ERG: variants seen among roughly 807,000 people sequenced by gnomAD.
ERG encodes the protein ETS transcription factor ERG, also known as transcriptional regulator ERG.
In ERG, 9 loss-of-function variants were observed where a neutral mutation model predicts 55.3. The observed-to-expected ratio is 0.16, with a 90% CI of 0.10 to 0.28. The LOEUF is 0.28. Ranked by LOEUF, ERG falls within the 10% of genes least tolerant of loss-of-function variation. The pLI, the probability that ERG is intolerant of heterozygous loss-of-function variation, is 1.00. For missense variants in ERG, 434 were observed against 631.6 expected, an observed-to-expected ratio of 0.69 and a Z score of 3.35; for synonymous variants, 223 against 237.3, an observed-to-expected ratio of 0.94 and a Z score of 0.55.
the ERG span, among the ~76,000 whole-genome samples, chr21:38,374,534 T>G: frequency 6.6e-6 from 1 of 152,210 alleles, no homozygotes; most frequent in Non-Finnish European, 1.5e-5. Context: ...ACTACTTTAA[T>G]ATATTTAACT....
At position 38,430,273 on chromosome 21, in the gene ERG, T is replaced by C. The variant is rs145150252; in HGVS notation, c.237-6712A>G. 7.9e-5 allele frequency among the ~76,000 whole-genome samples: 12 copies of C among 152,352 alleles called. No individual in the cohort carries two copies. The East Asian group carries it at 2.1e-3, about 27-fold the overall frequency. ...ATTTTTTGATGAAATTATTTATTTTTTTCTTGCTGATTTGTTTGAGTTGTC... is the reference window on the plus strand; with the variant it reads ...ATTTTTTGATGAAATTATTTATTTTCTTCTTGCTGATTTGTTTGAGTTGTC... On this transcript the variant is annotated intron_variant, in intron 2 of 9. Transcript: ENST00000288319.
chr21:38,614,359 C>CA lies in ERG; in HGVS notation c.-149-29415dup, dbSNP rs2060246464. 3.9e-5 allele frequency among the ~76,000 whole-genome samples: 6 copies of CA among 152,210 alleles called. No individual in the cohort carries two copies. The South Asian group carries it at 1.2e-3, about 32-fold the overall frequency. The stretch of plus-strand genomic sequence containing the variant: ...TATCTTCAGGTACAAATTACATTCC[C>CA]AGGCTTCCTTATAAGATGTGGCCAT... On this transcript the variant is annotated intron_variant, in intron 1 of 10. Coordinates refer to the ERG transcript ENST00000398910.
intron 3 of ERG, among the ~76,000 whole-genome samples, chr21:38,417,683 G>A (rs1423998711): frequency 1.3e-5 from 2 of 152,134 alleles, no homozygotes; most frequent in African/African-American, 4.8e-5. Context: ...CAGCTACTCA[G>A]GAGGCTGAGG....
At chr21:38,622,870 T>C (rs2060300777) in intron 1 of ERG, among the ~76,000 whole-genome samples, 1 of 140,796 alleles carries the variant, frequency 7.1e-6, no homozygotes, top group Non-Finnish European at 1.5e-5. Flanking sequence ...ACACCACACA[T>C]ACTACATGAT....
chr21:38,398,059 A>G (rs1328950985), intron 6 of ERG, among the ~76,000 whole-genome samples: 2 of 152,142 alleles, frequency 1.3e-5, no homozygotes, highest in Admixed American at 6.5e-5. Context: ...ATCCCCAAGG[A>G]CCTTCAAAGA....
At chr21:38,438,547 A>G (rs2058811860) in intron 2 of ERG, among the ~76,000 whole-genome samples, 1 of 152,212 alleles carries the variant, frequency 6.6e-6, no homozygotes, top group East Asian at 1.9e-4. Context: ...TAACATCTAT[A>G]AAACATCCTG....
intron 6 of ERG, among the ~76,000 whole-genome samples, chr21:38,398,086 C>G (rs908092630): frequency 1.3e-5 from 2 of 152,132 alleles, no homozygotes; most frequent in African/African-American, 4.8e-5. Flanking sequence ...CAACAATCAC[C>G]TTTCTGAAAG....
chr21:38,476,108 G>A (rs893726846), intron 1 of ERG, among the ~76,000 whole-genome samples: 1 of 152,176 alleles, frequency 6.6e-6, no homozygotes, highest in Non-Finnish European at 1.5e-5. Flanking sequence ...ATTAAATGAA[G>A]TTGCTGCATC....
At chr21:38,613,024 T>C (rs2060237390) in intron 1 of ERG, among the ~76,000 whole-genome samples, 1 of 152,070 alleles carries the variant, frequency 6.6e-6, no homozygotes, top group South Asian at 2.1e-4. Flanking sequence ...TAGATGTATA[T>C]TACTAACAGG....
At chr21:38,650,823 A>G (rs1448908467) in intron 1 of ERG, among the ~76,000 whole-genome samples, 2 of 152,214 alleles carry the variant, frequency 1.3e-5, no homozygotes, top group Admixed American at 6.5e-5. Flanking sequence ...AGCCTGTGTT[A>G]TGTGCAACCT....
chr21:38,612,750 G>A (rs1238162149), intron 1 of ERG, among the ~76,000 whole-genome samples: 5 of 146,990 alleles, frequency 3.4e-5, no homozygotes, highest in East Asian at 2.0e-4. Flanking sequence ...TGCAACCTCC[G>A]CCTCCTGGGT....
chr21:38,476,298 G>A (rs1292886376), intron 1 of ERG, among the ~76,000 whole-genome samples: 1 of 152,178 alleles, frequency 6.6e-6, no homozygotes, highest in Non-Finnish European at 1.5e-5. Flanking sequence ...CTCAGAGAGA[G>A]GCGGGCTGCA....
intron 7 of ERG, 102 bp downstream of exon 7, chr21:38,392,274 T>A: frequency 1.0e-6 from 1 of 991,548 alleles, no homozygotes; most frequent in Non-Finnish European, 1.6e-6. Context: ...CCATCACATG[T>A]TGCAAAATCA....
intron 3 of ERG, among the ~76,000 whole-genome samples, chr21:38,418,569 G>A (rs1483418760): frequency 6.6e-6 from 1 of 151,912 alleles, no homozygotes; most frequent in South Asian, 2.1e-4. Flanking sequence ...GGCAGGAAAT[G>A]TGTATTTTTA....
chr21:38,554,807 T>C (rs1397849466), intron 2 of ERG, among the ~76,000 whole-genome samples: 1 of 150,584 alleles, frequency 6.6e-6, no homozygotes, highest in East Asian at 2.0e-4. Context: ...CGTACACGTG[T>C]ACCCCCGAAC....
intron 3 of ERG, among the ~76,000 whole-genome samples, chr21:38,407,050 A>AACAACACAATAATACAACAAT (rs1376330567): frequency 6.6e-6 from 1 of 152,210 alleles, no homozygotes; most frequent in Non-Finnish European, 1.5e-5. Flanking sequence ...CTTTCTGATG[A>AACAACACAATAATACAACAAT]ACAACACAAT....
chr21:38,555,783 T>C (rs1287443186), intron 2 of ERG, among the ~76,000 whole-genome samples: 6 of 152,158 alleles, frequency 3.9e-5, no homozygotes, highest in Admixed American at 6.5e-5. Flanking sequence ...ATTTGTACTG[T>C]CAAATTATAA....
rs542360362 is a variant in ERG, at chr21:38,631,182, G to A, written c.-150+30476C>T. Among the ~76,000 whole-genome samples the A allele has an allele frequency of 8.5e-5, 13 of 152,136 alleles. No individual in the cohort carries two copies. The South Asian group carries it at 1.2e-3, about 15-fold the overall frequency. ...CACCCTCTTCCAATTCCTTCAACTC[G>A]GACTGCATCTTGCCCTTGAGAAAAA... On this transcript the variant is annotated intron_variant, in intron 1 of 10. Coordinates refer to the ERG transcript ENST00000398910.
intron 3 of ERG, among the ~76,000 whole-genome samples, chr21:38,407,148 A>G (rs1398355491): frequency 6.6e-6 from 1 of 152,228 alleles, no homozygotes; most frequent in East Asian, 1.9e-4. Context: ...CTAGAAATTT[A>G]TCCTAAGGAA....
Sources: gnomAD v4.1 joint callset for allele counts (sites outside exome capture counted in the v4.1 genomes callset) on GRCh38, gnomAD v4.1.1 for gene constraint, MANE v1.5 for transcripts, NCBI Gene and HGNC (gene_info 2026-07-23, HGNC 2026-07-21) for gene names.